Variants in DTNA observed in about 807,000 individuals in gnomAD.
DTNA encodes the protein dystrobrevin alpha, also known as dystrophin-related protein 3.
DTNA carries 43 observed loss-of-function variants against 100.7 expected under a neutral mutation model. That is an observed-to-expected ratio of 0.43 (90% confidence interval 0.33 to 0.55). DTNA has a LOEUF of 0.55. Ranked by LOEUF, DTNA falls within the 20% of genes least tolerant of loss-of-function variation. The pLI is 0.04. For missense variants in DTNA, 798 were observed against 953.9 expected (o/e 0.84, Z 2.15); for synonymous variants, 349 against 347.9 (o/e 1.00, Z -0.04).
intron 1 of DTNA, among the ~76,000 whole-genome samples, chr18:34,751,319 TC>T (rs1470447691): frequency 6.6e-6 from 1 of 152,254 alleles, no homozygotes; most frequent in East Asian, 1.9e-4. Flanking sequence ...ACTGGACTCT[TC>T]CGTTAGTCGT....
At chr18:34,756,086 A>G (rs2092748964) in intron 2 of DTNA, 43 bp downstream of exon 2, 2 of 1,560,550 alleles carry the variant, frequency 1.3e-6, no homozygotes, top group East Asian at 4.5e-5. Flanking sequence ...GTTTCCATTG[A>G]ATACTCATGG....
Position 34,556,280 on chromosome 18 carries a change from G to T in DTNA, c.-2+62766G>T, listed in dbSNP as rs991281545. Among the ~76,000 whole-genome samples, 5 of 152,128 alleles carry T rather than the reference G, an allele frequency of 3.3e-5. No homozygotes were observed. In the East Asian group the frequency reaches 5.8e-4, roughly 18 times the overall value. ...TATGTGTGTCTCTGCACGTGAGATG[G>T]GTTTCCTGAATACAGCACACTGATG... is the stretch of plus-strand genomic sequence containing the variant. On this transcript the variant is annotated intron_variant, in intron 1 of 19. Transcript: ENST00000283365.
At chr18:34,580,584 A>G (rs2048518593) in intron 1 of DTNA, among the ~76,000 whole-genome samples, 1 of 152,286 alleles carries the variant, frequency 6.6e-6, no homozygotes, top group East Asian at 1.9e-4. Flanking sequence ...TGGGGAAGAA[A>G]TAGAAATTTA....
intron 1 of DTNA, among the ~76,000 whole-genome samples, chr18:34,522,870 A>G (rs2042278347): frequency 6.6e-6 from 1 of 152,244 alleles, no homozygotes; most frequent in Non-Finnish European, 1.5e-5. Context: ...GGCAGGCAGC[A>G]GAGCACGCAT....
chr18:34,716,641 A>G (rs564634820), intron 1 of DTNA, among the ~76,000 whole-genome samples: 16 of 152,304 alleles, frequency 1.1e-4, no homozygotes, highest in South Asian at 2.1e-4. Flanking sequence ...TGACTTCCCA[A>G]CTCTTTAGAT....
chr18:34,827,940 C>T lies in DTNA; in HGVS notation c.1085+264C>T, dbSNP rs116145190. 8.3e-3 allele frequency among the ~76,000 whole-genome samples: 1,270 copies of T among 152,238 alleles called. 19 individuals are homozygous for T. The highest frequency in any genetic ancestry group is 0.028 in the African/African-American group (1,145 of 41,542). On this transcript the variant is annotated intron_variant, in intron 10 of 22. Transcript: ENST00000444659. ...AATGTGAGGGTATGTTTCAGTTTTA[C>T]TACTGACACACATGCATCCCATCTC...
intron 1 of DTNA, among the ~76,000 whole-genome samples, chr18:34,704,172 A>C (rs777031650): frequency 6.6e-6 from 1 of 152,102 alleles, no homozygotes; most frequent in Non-Finnish European, 1.5e-5. Context: ...CCCATTATCT[A>C]TGATGCATAC....
intron 14 of DTNA, among the ~76,000 whole-genome samples, chr18:34,850,205 G>A (rs947283558): frequency 7.9e-5 from 12 of 152,126 alleles, no homozygotes; most frequent in African/African-American, 2.9e-4. Context: ...TTTAGTAAAT[G>A]GGTCAATGTT....
chr18:34,825,936 A>G (rs1169272536), intron 9 of DTNA, among the ~76,000 whole-genome samples: 1 of 152,214 alleles, frequency 6.6e-6, no homozygotes, highest in Non-Finnish European at 1.5e-5. Flanking sequence ...TTCATAATTC[A>G]CAGAGGACAT....
At chr18:34,653,498 A>G (rs1052595092) in intron 1 of DTNA, among the ~76,000 whole-genome samples, 1 of 152,084 alleles carries the variant, frequency 6.6e-6, no homozygotes, top group Non-Finnish European at 1.5e-5. Context: ...ACAAGAAAAA[A>G]AAAACACTTA....
rs2096879016 is a variant in DTNA, at chr18:34,882,108, T to C, written c.2202T>C (p.Asp734=). Residue 734 remains aspartate (D), a synonymous_variant, in exon 21 of 23, where the codon GAT becomes GAC. Coordinates refer to ENST00000444659, the MANE Select transcript of DTNA (RefSeq NM_001386795.1). ...EDADPYVQPE[D]ENYENDSVRQ... ...CAGATCCCTATGTGCAGCCTGAAGA[T>C]GAAAACTATGAAAATGACTCTGTCC... The C allele has an allele frequency of 1.2e-6, 2 of 1,613,964 alleles. No individual in the cohort carries two copies. The highest frequency in any genetic ancestry group is 3.3e-5 in the Admixed American group (2 of 59,994).
chr18:34,714,706 C>G (rs2083618700), intron 1 of DTNA, among the ~76,000 whole-genome samples: 1 of 151,916 alleles, frequency 6.6e-6, no homozygotes, highest in Non-Finnish European at 1.5e-5. Flanking sequence ...ACTAGAAATA[C>G]CATTTGACCC....
At chr18:34,796,297 C>T (rs1270305809) in intron 4 of DTNA, among the ~76,000 whole-genome samples, 1 of 152,186 alleles carries the variant, frequency 6.6e-6, no homozygotes, top group Non-Finnish European at 1.5e-5. Flanking sequence ...TCAGGAAGTA[C>T]AGCTAACTGG....
chr18:34,777,705 T>C (rs767110244), intron 3 of DTNA, among the ~76,000 whole-genome samples: 2 of 152,088 alleles, frequency 1.3e-5, no homozygotes, highest in Non-Finnish European at 2.9e-5. Flanking sequence ...TACCAAACAC[T>C]TATAAAACCA....
intron 1 of DTNA, among the ~76,000 whole-genome samples, chr18:34,536,205 A>G (rs1318442620): frequency 1.3e-5 from 2 of 151,950 alleles, no homozygotes; most frequent in South Asian, 4.1e-4. Context: ...TAATTCCCCT[A>G]TTGATTGGTA....
intron 1 of DTNA, among the ~76,000 whole-genome samples, chr18:34,711,752 T>A (rs746719252): frequency 1.3e-5 from 2 of 152,316 alleles, no homozygotes; most frequent in Non-Finnish European, 1.5e-5. Context: ...AGTTTCCATA[T>A]GTCCAAGCCA....
At chr18:34,710,940 T>C (rs1372671030) in intron 1 of DTNA, among the ~76,000 whole-genome samples, 1 of 152,274 alleles carries the variant, frequency 6.6e-6, no homozygotes, top group East Asian at 1.9e-4. Flanking sequence ...TGTGAGCTTT[T>C]GTTTTTCTTT....
intron 1 of DTNA, among the ~76,000 whole-genome samples, chr18:34,743,358 T>C (rs1315787237): frequency 6.6e-6 from 1 of 152,186 alleles, no homozygotes; most frequent in Non-Finnish European, 1.5e-5. Flanking sequence ...TACTTGGCTG[T>C]GTTTTCATTG....
chr18:34,737,768 A>G (rs2147598769), intron 1 of DTNA: 1 of 152,330 alleles, frequency 6.6e-6, no homozygotes, highest in Middle Eastern at 3.4e-3. Flanking sequence ...ACTATGAAGT[A>G]TAAGCCACGT....
Sources: gnomAD v4.1 joint callset for allele counts (sites outside exome capture counted in the v4.1 genomes callset) on GRCh38, gnomAD v4.1.1 for gene constraint, MANE v1.5 for transcripts, NCBI Gene and HGNC (gene_info 2026-07-23, HGNC 2026-07-21) for gene names.